Variants in IFT140 observed in about 807,000 individuals in gnomAD.
IFT140 encodes the protein intraflagellar transport protein 140 homolog.
Under a neutral mutation model 164.6 loss-of-function variants are expected in IFT140, and 133 were observed. The ratio of observed to expected loss-of-function variants is 0.81; its 90% CI spans 0.70 to 0.93. The LOEUF is 0.93. Ranked by LOEUF, IFT140 falls within the 40% of genes least tolerant of loss-of-function variation. The probability of loss-of-function intolerance (pLI) is 0.00; values close to 1 mark genes in which losing one functional copy is unlikely to be tolerated. For missense variants in IFT140, 2,045 were observed against 1,972.3 expected (o/e 1.04, Z -0.70); for synonymous variants, 860 against 817.3 (o/e 1.05, Z -0.89).
At chr16:1,583,149 C>T (rs1305327477) in intron 12 of IFT140, among the ~76,000 whole-genome samples, 165 bp downstream of exon 12, 1 of 152,162 alleles carries the variant, frequency 6.6e-6, no homozygotes, top group Non-Finnish European at 1.5e-5. Flanking sequence ...ACTGGCAGCA[C>T]GGGGCCACAG....
intron 19 of IFT140, among the ~76,000 whole-genome samples, chr16:1,555,841 C>T (rs971302987): frequency 6.6e-6 from 1 of 152,114 alleles, no homozygotes; most frequent in Non-Finnish European, 1.5e-5. Flanking sequence ...CGATGGCTCA[C>T]ACCTGTAATC....
chr16:1,526,099 G>A (rs779680635), intron 20 of IFT140, 22 bp from the exon 21 acceptor site: 55 of 1,558,732 alleles, frequency 3.5e-5, no homozygotes, highest in Non-Finnish European at 4.2e-5. Context: ...GGATGGGCAG[G>A]TGTCGTGCAG....
At chr16:1,567,917 C>A (rs1014528662) in intron 15 of IFT140, among the ~76,000 whole-genome samples, 1 of 152,184 alleles carries the variant, frequency 6.6e-6, no homozygotes, top group African/African-American at 2.4e-5. Context: ...GAAGAGGAAG[C>A]GAGCAACTCT....
At chr16:1,526,993 C>T (rs1326953062) in intron 19 of IFT140, 197 bp from the exon 20 acceptor site, 2 of 572,098 alleles carry the variant, frequency 3.5e-6, no homozygotes, top group Non-Finnish European at 6.0e-6. Flanking sequence ...GTCCCACGGC[C>T]TTCCTAACCC....
intron 19 of IFT140, among the ~76,000 whole-genome samples, chr16:1,548,992 C>T (rs958233548): frequency 3.3e-5 from 5 of 152,216 alleles, no homozygotes; most frequent in African/African-American, 9.6e-5. Flanking sequence ...TCTGGGCCAC[C>T]GTCCTCCGCA....
At chr16:1,573,597 C>T (rs575062776) in intron 13 of IFT140, among the ~76,000 whole-genome samples, 25 of 152,242 alleles carry the variant, frequency 1.6e-4, no homozygotes, top group African/African-American at 5.1e-4. Context: ...AAAGGTGCCA[C>T]GACAAACCCA....
In IFT140 at chr16:1,596,786, C is replaced by T. The variant is rs193299834; in HGVS notation, c.370-4198G>A. Among the ~76,000 whole-genome samples the T allele has an allele frequency of 5.4e-3, 829 of 152,238 alleles. 4 individuals are homozygous for T. Among genetic ancestry groups the T allele is most frequent in the Non-Finnish European group, 8.5e-3 (579 of 68,014 alleles). ...ACCTCCTCGGCTGCACCCTCTGCTC[C>T]TCACCCCTGACTCTAGCATTGAGCT... On this transcript the variant is annotated intron_variant, in intron 4 of 30. Coordinates refer to ENST00000426508, the MANE Select transcript of IFT140 (RefSeq NM_014714.4).
chr16:1,534,273 G>C, intron 19 of IFT140: 1 of 1,610,982 alleles, frequency 6.2e-7, no homozygotes. Context: ...ACCGGCGTCA[G>C]CGATGACCGT....
intron 19 of IFT140, among the ~76,000 whole-genome samples, chr16:1,539,105 G>A (rs923389199): frequency 4.0e-5 from 6 of 149,436 alleles, no homozygotes; most frequent in African/African-American, 1.5e-4. Context: ...CCCCACCTCA[G>A]GCCTCAGCAA....
At chr16:1,528,421 GCACACACAGATGCA>G in intron 19 of IFT140, among the ~76,000 whole-genome samples, 1 of 118,746 alleles carries the variant, frequency 8.4e-6, no homozygotes, top group East Asian at 2.6e-4. Context: ...GGACGCACAT[GCACACACAGATGCA>G]CACACACATT....
At chr16:1,545,071 T>TA in intron 19 of IFT140, among the ~76,000 whole-genome samples, 1 of 152,358 alleles carries the variant, frequency 6.6e-6, no homozygotes, top group East Asian at 1.9e-4. Context: ...CAGGACAAGA[T>TA]AGTGTTTCTA....
chr16:1,586,377 G>A lies in IFT140; in HGVS notation c.1010-102C>T, dbSNP rs1366178628. On this transcript the variant is annotated intron_variant, in intron 9 of 30. Coordinates refer to ENST00000426508, the MANE Select transcript of IFT140 (RefSeq NM_014714.4). ...CCCCTTCTTCAAAGCATCAGCCCTCGCCCAGTCTGGTGCCTCTCCACCTCA... is the reference window on the plus strand; with the variant it reads ...CCCCTTCTTCAAAGCATCAGCCCTCACCCAGTCTGGTGCCTCTCCACCTCA... The A allele has an allele frequency of 9.0e-6, 11 of 1,222,446 alleles. No individual in the cohort carries two copies. The African/African-American group carries it at 9.1e-5, about 10-fold the overall frequency. 75.7% of individuals were successfully genotyped at this position (1,222,446 alleles called of 1,614,324 possible). A position where few individuals can be genotyped will look rare whatever the true frequency, so the allele number is the denominator to read the frequency against.
At chr16:1,588,845 G>A (rs2035032100) in intron 7 of IFT140, among the ~76,000 whole-genome samples, 1 of 152,124 alleles carries the variant, frequency 6.6e-6, no homozygotes, top group Admixed American at 6.6e-5. Flanking sequence ...AGGTTAATGA[G>A]ATCCTGGGGT....
At chr16:1,597,897 C>T (rs1409450248) in intron 4 of IFT140, among the ~76,000 whole-genome samples, 1 of 152,194 alleles carries the variant, frequency 6.6e-6, no homozygotes, top group African/African-American at 2.4e-5. Flanking sequence ...GGTGGGACTA[C>T]AGGTGCATGT....
intron 16 of IFT140, among the ~76,000 whole-genome samples, chr16:1,565,945 C>T (rs561213699): frequency 6.6e-6 from 1 of 152,322 alleles, no homozygotes; most frequent in South Asian, 2.1e-4. Flanking sequence ...CCAGTTTCCA[C>T]TCAGCTAACT....
At chr16:1,554,777 T>G in intron 19 of IFT140, 1 of 1,613,972 alleles carries the variant, frequency 6.2e-7, no homozygotes, top group African/African-American at 1.3e-5. Context: ...TTCTCTCATC[T>G]GCAGGTTTTG....
At chr16:1,512,561 ATT>A (rs955876065) in intron 30 of IFT140, among the ~76,000 whole-genome samples, 1 of 152,080 alleles carries the variant, frequency 6.6e-6, no homozygotes, top group Non-Finnish European at 1.5e-5. Context: ...TAAAATGTGG[ATT>A]TCCTGTTAAT....
intron 30 of IFT140, among the ~76,000 whole-genome samples, chr16:1,513,712 C>T (rs919103239): frequency 2.6e-4 from 39 of 149,918 alleles, no homozygotes; most frequent in Admixed American, 9.3e-4. Flanking sequence ...CTTGCTGTGT[C>T]GCCCAGGCTG....
intron 30 of IFT140, chr16:1,514,726 C>T (rs2040292446): frequency 6.6e-6 from 1 of 151,950 alleles, no homozygotes; most frequent in African/African-American, 2.4e-5. Flanking sequence ...GTCCATGATA[C>T]AAAAAAATGA....
Sources: gnomAD v4.1 joint callset for allele counts (sites outside exome capture counted in the v4.1 genomes callset) on GRCh38, gnomAD v4.1.1 for gene constraint, MANE v1.5 for transcripts, NCBI Gene and HGNC (gene_info 2026-07-23, HGNC 2026-07-21) for gene names.